Variants in TPMT observed in about 807,000 individuals in gnomAD.
TPMT encodes thiopurine S-methyltransferase.
TPMT carries 18 observed loss-of-function variants against 34.2 expected under a neutral mutation model. The ratio of observed to expected loss-of-function variants is 0.53; its 90% CI spans 0.36 to 0.78. The LOEUF is 0.78. Ranked by LOEUF, TPMT falls within the 30% of genes least tolerant of loss-of-function variation. TPMT has a pLI of 0.00. For synonymous variants in TPMT, 69 were observed against 92.4 expected (o/e 0.75, Z 1.45); for missense variants, 265 against 288.1 (o/e 0.92, Z 0.58).
At chr6:18,141,362 C>CTTTTTT in intron 4 of TPMT, among the ~76,000 whole-genome samples, 1 of 145,066 alleles carries the variant, frequency 6.9e-6, no homozygotes, top group African/African-American at 2.6e-5. Context: ...TTTTTTGAGA[C>CTTTTTT]AGAGTCTTAC....
intron 4 of TPMT, among the ~76,000 whole-genome samples, chr6:18,142,007 G>A (rs1039610557): frequency 6.6e-6 from 1 of 152,120 alleles, no homozygotes; most frequent in Non-Finnish European, 1.5e-5. Context: ...AATAAGATTA[G>A]GGTGGGGCGA....
At chr6:18,133,419 G>A (rs1173723710) in intron 7 of TPMT, among the ~76,000 whole-genome samples, 4 of 152,236 alleles carry the variant, frequency 2.6e-5, no homozygotes, top group Non-Finnish European at 5.9e-5. Flanking sequence ...CCCCGTGCTT[G>A]TGTATGTGAA....
In TPMT at chr6:18,153,245, T is replaced by C. The variant is rs760032880; in HGVS notation, c.-45+1788A>G. ...CTGCTCTACAGTCTGAAACCATTCA[T>C]GAGAAAGAGTTCTCCTTTCTAAATT... On this transcript the variant is annotated intron_variant, in intron 1 of 8. Transcript: ENST00000309983. This position sits in a 1 kb window ranked among gnomAD's most constrained non-coding sequence, Gnocchi z 4.2. Among the ~76,000 whole-genome samples the C allele has an allele frequency of 2.6e-5, 4 of 152,226 alleles. No individual in the cohort carries two copies. Among genetic ancestry groups the C allele is most frequent in the Non-Finnish European group, 4.4e-5 (3 of 68,052 alleles).
rs1784093350 is a variant in TPMT at position 18,139,054 on chromosome 6, A to C, written c.420-17T>G. The C allele has an allele frequency of 6.2e-7, 1 of 1,610,054 alleles. No homozygotes were observed. The highest frequency in any genetic ancestry group is 1.3e-5 in the African/African-American group (1 of 74,856). ...ATATTTGTCCTACCAGAAAGAGAAA[A>C]AACATTTTATGGGAGAAAAATCAAA... On this transcript the variant is annotated splice_polypyrimidine_tract_variant and intron_variant, in intron 5 of 8. Coordinates refer to ENST00000309983, the MANE Select transcript of TPMT (RefSeq NM_000367.5). This position sits in a 1 kb window ranked among gnomAD's most constrained non-coding sequence, Gnocchi z 4.2.
At chr6:18,141,314 A>C (rs937766663) in intron 4 of TPMT, among the ~76,000 whole-genome samples, 3 of 151,440 alleles carry the variant, frequency 2.0e-5, no homozygotes, top group African/African-American at 7.3e-5. Context: ...AAATACCATC[A>C]AGCTTCCTAC....
chr6:18,142,867 A>G (rs1784169760), intron 4 of TPMT, among the ~76,000 whole-genome samples: 1 of 152,004 alleles, frequency 6.6e-6, no homozygotes, highest in Non-Finnish European at 1.5e-5. Flanking sequence ...CTGCGGGTCT[A>G]TCGTAAATGT....
chr6:18,145,601 G>A lies in TPMT; in HGVS notation c.234-1873C>T, dbSNP rs536145213. 6.8e-4 allele frequency among the ~76,000 whole-genome samples: 103 copies of A among 152,268 alleles called. No homozygotes were observed. Among genetic ancestry groups the A allele is most frequent in the Admixed American group, 2.0e-3 (31 of 15,298 alleles). On this transcript the variant is annotated intron_variant, in intron 3 of 8. Transcript: ENST00000309983. This position sits in a 1 kb window ranked among gnomAD's most constrained non-coding sequence, Gnocchi z 5.6. Reference sequence around the variant, plus strand: ...ACAAAAGAGTACGTACTTTCAATGTGGGCAGAGCATGAACTGTTTAGTTGT... The same window carrying A: ...ACAAAAGAGTACGTACTTTCAATGTAGGCAGAGCATGAACTGTTTAGTTGT...
rs774182733 is a variant in TPMT, at chr6:18,143,587, A to G, written c.366+9T>C. 6.2e-7 allele frequency: 1 copy of G among 1,612,164 alleles called. No individual in the cohort carries two copies. The highest frequency in any genetic ancestry group is 1.7e-5 in the Admixed American group (1 of 60,024). On this transcript the variant is annotated intron_variant, in intron 4 of 8. Coordinates refer to ENST00000309983, the MANE Select transcript of TPMT (RefSeq NM_000367.5). This position sits in a 1 kb window ranked among gnomAD's most constrained non-coding sequence, Gnocchi z 6.1. ...ATGGATACAATTATTTACCCAAATC[A>G]AAACAAACCTTAAATACTTTGGTTC...
At chr6:18,152,579 T>TTTTC (rs200211504) in intron 1 of TPMT, among the ~76,000 whole-genome samples, 4 of 150,372 alleles carry the variant, frequency 2.7e-5, no homozygotes, top group Non-Finnish European at 5.9e-5. Context: ...CTTTCTTTCC[T>TTTTC]TTTCTTTCTT....
In TPMT at chr6:18,131,693, CTAAGA is replaced by C. The variant is rs1783946013; in HGVS notation, c.625+435_625+439del. ...ATATTTACAGAGATTAGTTCCTTTTCTAAGATAAAACAACTTTCAATAAAATGGTC... is the reference window on the plus strand; with the variant it reads ...ATATTTACAGAGATTAGTTCCTTTTCTAAAACAACTTTCAATAAAATGGTC... On this transcript the variant is annotated intron_variant, in intron 8 of 8. Transcript: ENST00000309983. The surrounding 1 kb of genome is among the most constrained non-coding windows in gnomAD (Gnocchi z 4.3). 6.6e-6 allele frequency among the ~76,000 whole-genome samples: 1 copy of C among 152,006 alleles called. No homozygotes were observed. The highest frequency in any genetic ancestry group is 2.1e-4 in the South Asian group (1 of 4,830).
chr6:18,151,205 A>G (rs1176363846), intron 1 of TPMT, among the ~76,000 whole-genome samples: 1 of 92,338 alleles, frequency 1.1e-5, no homozygotes, highest in East Asian at 2.8e-4. Context: ...TTTTTTTGCT[A>G]TCAATCACCC....
In TPMT at chr6:18,146,284, C is replaced by T. The variant is rs2150717247; in HGVS notation, c.233+1539G>A. Among the ~76,000 whole-genome samples, 1 of 152,158 alleles carries T rather than the reference C, an allele frequency of 6.6e-6. No homozygotes were observed. The highest frequency in any genetic ancestry group is 1.9e-4 in the East Asian group (1 of 5,166). Reference sequence around the variant, plus strand: ...GGAGTGCATGGGCTCATTGCAACCTCCGCCTCCTGGATTCAAGCAATTCTC... The same window carrying T: ...GGAGTGCATGGGCTCATTGCAACCTTCGCCTCCTGGATTCAAGCAATTCTC... On this transcript the variant is annotated intron_variant, in intron 3 of 8. Transcript: ENST00000309983. The surrounding 1 kb of genome is among the most constrained non-coding windows in gnomAD (Gnocchi z 6.2).
intron 6 of TPMT, among the ~76,000 whole-genome samples, chr6:18,137,320 A>C (rs1442812631): frequency 2.0e-5 from 3 of 152,024 alleles, no homozygotes; most frequent in Non-Finnish European, 4.4e-5. Flanking sequence ...GTATTTTTAT[A>C]GAGATAGGGT....
chr6:18,138,694 C>A lies in TPMT; in HGVS notation c.494+269G>T, dbSNP rs985047290. 2.0e-5 allele frequency among the ~76,000 whole-genome samples: 3 copies of A among 152,106 alleles called. No homozygotes were observed. Among genetic ancestry groups the A allele is most frequent in the South Asian group, 4.1e-4 (2 of 4,826 alleles). Reference sequence around the variant, plus strand: ...AATATTCCCATTTTGCAGGAGTAAACCAAAGCTTAGAGAAGTTGAATACTT... The same window carrying A: ...AATATTCCCATTTTGCAGGAGTAAAACAAAGCTTAGAGAAGTTGAATACTT... On this transcript the variant is annotated intron_variant, in intron 6 of 8. Coordinates refer to ENST00000309983, the MANE Select transcript of TPMT (RefSeq NM_000367.5). This position sits in a 1 kb window ranked among gnomAD's most constrained non-coding sequence, Gnocchi z 4.1.
In TPMT at chr6:18,140,792, G is replaced by A. The variant is rs550713238; in HGVS notation, c.367-1075C>T. On this transcript the variant is annotated intron_variant, in intron 4 of 8. Coordinates refer to ENST00000309983, the MANE Select transcript of TPMT (RefSeq NM_000367.5). The surrounding 1 kb of genome is among the most constrained non-coding windows in gnomAD (Gnocchi z 4.7). The stretch of plus-strand genomic sequence containing the variant: ...TTTTGAAAGGGTGACACTCTAGGGT[G>A]TGGACTGGGGGCACACTCCAAGAGG... Among the ~76,000 whole-genome samples the A allele has an allele frequency of 8.5e-5, 13 of 152,314 alleles. No individual in the cohort carries two copies. In the East Asian group the frequency reaches 2.1e-3, roughly 25 times the overall value.
chr6:18,142,313 T>A (rs1784158795), intron 4 of TPMT, among the ~76,000 whole-genome samples: 1 of 152,054 alleles, frequency 6.6e-6, no homozygotes, highest in South Asian at 2.1e-4. Flanking sequence ...CCAGACAAGG[T>A]AGCCACTTCA....
Position 18,139,131 on chromosome 6 carries a change from A to G in TPMT, c.420-94T>C. The G allele has an allele frequency of 9.2e-7, 1 of 1,092,526 alleles. No individual in the cohort carries two copies. Among genetic ancestry groups the G allele is most frequent in the Non-Finnish European group, 1.4e-6 (1 of 705,314 alleles). 67.7% of individuals were successfully genotyped at this position (1,092,526 alleles called of 1,614,324 possible). ...CATGGTGCATGCTGGTACTTCAACA[A>G]TCGTCAAGGTATTAGGATCTCACGT... On this transcript the variant is annotated intron_variant, in intron 5 of 8. Transcript: ENST00000309983. This position sits in a 1 kb window ranked among gnomAD's most constrained non-coding sequence, Gnocchi z 4.2.
rs925074616 is a variant in TPMT at position 18,139,496 on chromosome 6, G to A, written c.419+169C>T. On this transcript the variant is annotated intron_variant, in intron 5 of 8. Coordinates refer to ENST00000309983, the MANE Select transcript of TPMT (RefSeq NM_000367.5). The surrounding 1 kb of genome is among the most constrained non-coding windows in gnomAD (Gnocchi z 4.2). ...CTAACCAAAGACAAAACACATTAAA[G>A]TGTGCAGACGAGTGTGTAATAAAAA... Among the ~76,000 whole-genome samples, 25 of 152,174 alleles carry A rather than the reference G, an allele frequency of 1.6e-4. 1 individual carries two copies. Among genetic ancestry groups the A allele is most frequent in the Non-Finnish European group, 2.9e-5 (2 of 68,036 alleles).
At position 18,139,972 on chromosome 6, in the gene TPMT, T is replaced by G. The variant is rs1239492901; in HGVS notation, c.367-255A>C. ...GAAGATCAGTTGGCTGTTACTCACT[T>G]CAGAGCTTGCTATAAAATTCTAACA... On this transcript the variant is annotated intron_variant, in intron 4 of 8. Transcript: ENST00000309983. The surrounding 1 kb of genome is among the most constrained non-coding windows in gnomAD (Gnocchi z 4.2). 6.6e-6 allele frequency among the ~76,000 whole-genome samples: 1 copy of G among 152,192 alleles called. No individual in the cohort carries two copies. Among genetic ancestry groups the G allele is most frequent in the Non-Finnish European group, 1.5e-5 (1 of 68,038 alleles).
Sources: gnomAD v4.1 joint callset for allele counts (sites outside exome capture counted in the v4.1 genomes callset) on GRCh38, gnomAD v4.1.1 for gene constraint, Gnocchi (gnomAD v3.1) non-coding constraint, MANE v1.5 for transcripts, NCBI Gene and HGNC (gene_info 2026-07-23, HGNC 2026-07-21) for gene names.